Variants in PRR12 observed in about 807,000 individuals in gnomAD.
PRR12 encodes the protein proline-rich protein 12.
Under a neutral mutation model 138.0 loss-of-function variants are expected in PRR12, and 12 were observed. The observed-to-expected ratio is 0.09, with a 90% confidence interval of 0.06 to 0.14. The LOEUF (loss-of-function observed/expected upper bound fraction) is 0.14, where lower values mean the gene tolerates loss of function less well. Among genes scored for constraint, PRR12 ranks in the 10% least tolerant of loss-of-function variants. PRR12 has a pLI of 1.00. For synonymous variants in PRR12, 1,567 were observed against 1,291.7 expected, an observed-to-expected ratio of 1.21 and a Z score of -4.57; for missense variants, 2,692 against 2,861.3, an observed-to-expected ratio of 0.94 and a Z score of 1.35.
At chr19:49,605,397 G>A (rs879405570) in intron 6 of PRR12, among the ~76,000 whole-genome samples, 3 of 151,936 alleles carry the variant, frequency 2.0e-5, no homozygotes, top group Non-Finnish European at 4.4e-5. Flanking sequence ...CGAGTAGCTG[G>A]GATTACAGGC....
intron 6 of PRR12, among the ~76,000 whole-genome samples, chr19:49,612,343 C>G (rs542428695): frequency 6.6e-6 from 1 of 151,536 alleles, no homozygotes. Flanking sequence ...TTCTAGTAAT[C>G]GGCAGTTGGC....
Position 49,596,595 on chromosome 19 carries a change from A to G in PRR12, c.2260A>G (p.Lys754Glu). The G allele has an allele frequency of 6.3e-7, 1 of 1,595,250 alleles. No individual in the cohort carries two copies. Among genetic ancestry groups the G allele is most frequent in the East Asian group, 2.2e-5 (1 of 44,694 alleles). Reference sequence around the variant, plus strand: ...TGTTGTCCACTACGGGGCAGGCGCCAAGGAGCTGGGGGCCTTCTTGCAAAA... The same window carrying G: ...TGTTGTCCACTACGGGGCAGGCGCCGAGGAGCTGGGGGCCTTCTTGCAAAA... ...TSVVHYGAGAKELGAFLQKSP... is the reference protein window; with the variant it reads ...TSVVHYGAGAEELGAFLQKSP... The change falls in exon 4 of 14, where the codon AAG becomes GAG. Residue 754 changes from lysine to glutamate, a missense_variant. By Grantham distance (56) the Lys-to-Glu change is moderately conservative (BLOSUM62 1). Transcript: ENST00000418929. This position sits in a 1 kb window ranked among gnomAD's most constrained non-coding sequence, Gnocchi z 5.6.
Position 49,601,601 on chromosome 19 carries a change from C to T in PRR12, c.4456C>T (p.Pro1486Ser), listed in dbSNP as rs768710248. 7.1e-6 allele frequency: 11 copies of T among 1,543,528 alleles called. No individual in the cohort carries two copies. In the African/African-American group the frequency reaches 1.1e-4, roughly 15 times the overall value. The change falls in exon 6 of 14, where the codon CCC (proline) becomes TCC (serine). Residue 1486 changes from proline (P) to serine (S), a missense_variant. By Grantham distance (74) the Pro-to-Ser change is moderately conservative. Transcript: ENST00000418929. Reference sequence around the variant, plus strand: ...GCCACAGCCAGCCCTGCCCTCGCCACCCCCGCTGGTGGCCCCCACGCCCAG... The same window carrying T: ...GCCACAGCCAGCCCTGCCCTCGCCATCCCCGCTGGTGGCCCCCACGCCCAG... ...PPPQPALPSP[P>S]PLVAPTPSSP...
At position 49,614,220 on chromosome 19, in the gene PRR12, T is replaced by A. The variant is rs1392702768; in HGVS notation, c.4774-313T>A. 6.6e-6 allele frequency among the ~76,000 whole-genome samples: 1 copy of A among 152,168 alleles called. No homozygotes were observed. ...CCAGCACAGTAAATAGCAGGCGGTGTTCAAAGATTGTCATTACTCTGAGTC... is the reference window on the plus strand; with the variant it reads ...CCAGCACAGTAAATAGCAGGCGGTGATCAAAGATTGTCATTACTCTGAGTC... On this transcript the variant is annotated intron_variant, in intron 6 of 13. Coordinates refer to ENST00000418929, the MANE Select transcript of PRR12 (RefSeq NM_020719.3). The surrounding 1 kb of genome is among the most constrained non-coding windows in gnomAD (Gnocchi z 5.0).
Position 49,625,657 on chromosome 19 carries a change from G to A in PRR12, c.*50G>A. ...CGCCTCCTCCATGAACCGAGAATTG[G>A]GACAGAACCGTGTCCTCAGGAGCTA... On this transcript the variant is annotated 3_prime_UTR_variant, in exon 14 of 14. Coordinates refer to ENST00000418929, the MANE Select transcript of PRR12 (RefSeq NM_020719.3). The surrounding 1 kb of genome is among the most constrained non-coding windows in gnomAD (Gnocchi z 5.5). The A allele has an allele frequency of 1.3e-6, 2 of 1,550,172 alleles. No individual in the cohort carries two copies. The highest frequency in any genetic ancestry group is 1.7e-6 in the Non-Finnish European group (2 of 1,149,592).
Position 49,599,222 on chromosome 19 carries a change from C to T in PRR12, c.3679-50C>T. The T allele has an allele frequency of 6.7e-7, 1 of 1,488,722 alleles. No homozygotes were observed. The highest frequency in any genetic ancestry group is 8.9e-7 in the Non-Finnish European group (1 of 1,121,400). 92.2% of individuals were successfully genotyped at this position (1,488,722 alleles called of 1,614,324 possible). A position where few individuals can be genotyped will look rare whatever the true frequency, so the allele number is the denominator to read the frequency against. On this transcript the variant is annotated intron_variant, in intron 4 of 13. Transcript: ENST00000418929. The surrounding 1 kb of genome is among the most constrained non-coding windows in gnomAD (Gnocchi z 5.0). ...TTTTGGGGGCTGAGGGAGGATGGGA[C>T]TGGGGGCCCAGGCTACTGGGCCCTC...
chr19:49,620,590 T>G (rs1222333202), intron 10 of PRR12, 113 bp downstream of exon 10: 1 of 1,432,744 alleles, frequency 7.0e-7, no homozygotes, highest in East Asian at 2.5e-5. Context: ...GACTCCTGAG[T>G]CTGAGGGAAG....
Position 49,596,837 on chromosome 19 carries a change from G to GCCACCT in PRR12, c.2508_2513dup (p.Pro844_Pro845dup), listed in dbSNP as rs778541464. ...CAGCCACCCGCGATGGGGCACCCCA[G>GCCACCT]CCACCTCCACCGCCACCCCCGCCTC... On this transcript the variant is annotated inframe_insertion, in exon 4 of 14. Coordinates refer to ENST00000418929, the MANE Select transcript of PRR12 (RefSeq NM_020719.3). The surrounding 1 kb of genome is among the most constrained non-coding windows in gnomAD (Gnocchi z 5.6). The GCCACCT allele has an allele frequency of 7.7e-5, 122 of 1,591,074 alleles. No individual in the cohort carries two copies. Among genetic ancestry groups the GCCACCT allele is most frequent in the South Asian group, 3.7e-4 (33 of 90,282 alleles).
intron 6 of PRR12, among the ~76,000 whole-genome samples, chr19:49,602,198 C>G (rs7248333): frequency 0.024 from 3,608 of 152,158 alleles, 140 homozygotes; most frequent in African/African-American, 0.082. Context: ...ATAAGGTGAA[C>G]CGCTTGTTAA....
At chr19:49,592,535 G>T (rs1052349228) in intron 1 of PRR12, among the ~76,000 whole-genome samples, 1 of 151,886 alleles carries the variant, frequency 6.6e-6, no homozygotes, top group Non-Finnish European at 1.5e-5. Flanking sequence ...TTGGTGTGGC[G>T]CCCTCACACT....
rs2080883964 is a variant in PRR12 at position 49,614,989 on chromosome 19, T to C, written c.5004T>C (p.His1668=). The change falls in exon 8 of 14, where the codon CAT becomes CAC. Residue 1668 remains histidine (H), a synonymous_variant. Transcript: ENST00000418929. This position sits in a 1 kb window ranked among gnomAD's most constrained non-coding sequence, Gnocchi z 5.0. The part of the protein sequence containing the change: ...YVRVCARKPW[H]RPPVPVRRSG... ...GGGTCTGTGCTCGGAAACCCTGGCA[T>C]CGGCCCCCAGTGCCAGTCAGGTACC... is the stretch of plus-strand genomic sequence containing the variant. 1 of 1,613,756 alleles carries C rather than the reference T, an allele frequency of 6.2e-7. No individual in the cohort carries two copies. Among genetic ancestry groups the C allele is most frequent in the Non-Finnish European group, 8.5e-7 (1 of 1,179,866 alleles).
rs1041074593 is a variant in PRR12 at position 49,599,033 on chromosome 19, G to A, written c.3679-239G>A. Among the ~76,000 whole-genome samples the A allele has an allele frequency of 4.7e-5, 7 of 148,824 alleles. No homozygotes were observed. Among genetic ancestry groups the A allele is most frequent in the Non-Finnish European group, 7.4e-5 (5 of 67,704 alleles). On this transcript the variant is annotated intron_variant, in intron 4 of 13. Transcript: ENST00000418929. The surrounding 1 kb of genome is among the most constrained non-coding windows in gnomAD (Gnocchi z 5.0). ...TACATTCCTGGGTCTCATGGGAAGC[G>A]GGTCTAGGGACCTGAACTGGGCTGT... is the stretch of plus-strand genomic sequence containing the variant.
Position 49,599,478 on chromosome 19 carries a change from C to T in PRR12, c.3885C>T (p.His1295=). The T allele has an allele frequency of 2.5e-6, 4 of 1,602,016 alleles. No individual in the cohort carries two copies. The highest frequency in any genetic ancestry group is 3.4e-6 in the Non-Finnish European group (4 of 1,175,016). ...ACTTCCTCAAGTCAGGCAAGCGCCA[C>T]CCACCACTCTACCAGGCGGGCCTGA... ...FLDFLKSGKR[H]PPLYQAGLTP... Residue 1295 remains histidine, a synonymous_variant, in exon 5 of 14, where the codon CAC becomes CAT. Transcript: ENST00000418929. The surrounding 1 kb of genome is among the most constrained non-coding windows in gnomAD (Gnocchi z 5.0).
chr19:49,603,042 C>T (rs934363433), intron 6 of PRR12, among the ~76,000 whole-genome samples: 5 of 152,380 alleles, frequency 3.3e-5, no homozygotes, highest in African/African-American at 9.6e-5. Context: ...TACATGTTGT[C>T]TATGGCTGTT....
chr19:49,625,303 A>G lies in PRR12; in HGVS notation c.5964+103A>G, dbSNP rs2080949265. 4 of 1,470,630 alleles carry G rather than the reference A, an allele frequency of 2.7e-6. No individual in the cohort carries two copies. The highest frequency in any genetic ancestry group is 1.9e-5 in the Admixed American group (1 of 52,492). 91.1% of individuals were successfully genotyped at this position (1,470,630 alleles called of 1,614,324 possible). A position where few individuals can be genotyped will look rare whatever the true frequency, so the allele number is the denominator to read the frequency against. ...CCAGCCCCATCCTGCCTCAGACCCA[A>G]GAGTTCAGGTCCTTCTGTCTTGGAC... is the stretch of plus-strand genomic sequence containing the variant. On this transcript the variant is annotated intron_variant, in intron 13 of 13. Coordinates refer to ENST00000418929, the MANE Select transcript of PRR12 (RefSeq NM_020719.3). This position sits in a 1 kb window ranked among gnomAD's most constrained non-coding sequence, Gnocchi z 5.5.
chr19:49,604,397 G>T (rs2080827978), intron 6 of PRR12, among the ~76,000 whole-genome samples: 1 of 151,868 alleles, frequency 6.6e-6, no homozygotes, highest in East Asian at 1.9e-4. Flanking sequence ...GACATCGTAG[G>T]CCAGGTGCGG....
At chr19:49,598,143 G>C (rs1299550646) in intron 4 of PRR12, 130 bp downstream of exon 4, 4 of 1,057,796 alleles carry the variant, frequency 3.8e-6, no homozygotes, top group South Asian at 4.7e-5. Flanking sequence ...GCACGATCTC[G>C]GTTCACTGCA....
intron 4 of PRR12, among the ~76,000 whole-genome samples, chr19:49,598,247 T>TC (rs2122305397): frequency 6.6e-6 from 1 of 151,886 alleles, no homozygotes; most frequent in East Asian, 1.9e-4. Flanking sequence ...CTAGTTTTTT[T>TC]GTATTTTTAG....
At position 49,595,271 on chromosome 19, in the gene PRR12, C is replaced by T. The variant is rs1287867671; in HGVS notation, c.936C>T (p.His312=). 1.3e-6 allele frequency: 2 copies of T among 1,545,586 alleles called. No individual in the cohort carries two copies. The highest frequency in any genetic ancestry group is 2.0e-5 in the Admixed American group (1 of 50,992). ...PPPPPAHALQ[H]YLSCGGSYPS... The stretch of plus-strand genomic sequence containing the variant: ...CGCCACCAGCCCATGCGCTCCAGCA[C>T]TATCTGAGCTGTGGAGGCAGCTACC... The change falls in exon 4 of 14, where the codon CAC becomes CAT. Residue 312 remains histidine, a synonymous_variant. Coordinates refer to ENST00000418929, the MANE Select transcript of PRR12 (RefSeq NM_020719.3).
Sources: allele counts gnomAD v4.1 joint callset (sites outside exome capture counted in the v4.1 genomes callset), GRCh38; gene constraint gnomAD v4.1.1; non-coding constraint Gnocchi (gnomAD v3.1); transcripts MANE v1.5; gene names NCBI Gene and HGNC (gene_info 2026-07-23, HGNC 2026-07-21).